LRPPRC: variants seen among roughly 807,000 people sequenced by gnomAD.
LRPPRC encodes the protein leucine rich pentatricopeptide repeat containing.
Under a neutral mutation model 180.3 loss-of-function variants are expected in LRPPRC, and 120 were observed. The ratio of observed to expected loss-of-function variants is 0.67; its 90% CI spans 0.57 to 0.77. LRPPRC has a LOEUF of 0.77. Ranked by LOEUF, LRPPRC falls within the 30% of genes least tolerant of loss-of-function variation. LRPPRC has a pLI of 0.00. For missense variants in LRPPRC, 2,012 were observed against 1,657.2 expected, an observed-to-expected ratio of 1.21 and a Z score of -3.72; for synonymous variants, 723 against 600.0, an observed-to-expected ratio of 1.21 and a Z score of -3.00.
At chr2:43,940,381 A>C (rs1028004032) in intron 23 of LRPPRC, among the ~76,000 whole-genome samples, 14 of 152,238 alleles carry the variant, frequency 9.2e-5, no homozygotes, top group African/African-American at 3.4e-4. Context: ...CCATTTATGT[A>C]ACATATTAAA....
At chr2:43,950,757 T>C (rs778765869) in intron 14 of LRPPRC, among the ~76,000 whole-genome samples, 157 bp from the exon 15 acceptor site, 1 of 152,054 alleles carries the variant, frequency 6.6e-6, no homozygotes, top group Non-Finnish European at 1.5e-5. Context: ...TTAGAAAGGC[T>C]GACACTCACC....
At chr2:43,910,400 A>G (rs537037020) in intron 30 of LRPPRC, among the ~76,000 whole-genome samples, 1 of 151,962 alleles carries the variant, frequency 6.6e-6, no homozygotes. Flanking sequence ...ACACACGGCT[A>G]ATTTTTATAT....
chr2:43,963,453 GAAAA>G (rs951545035), intron 12 of LRPPRC, 131 bp downstream of exon 12: 3 of 705,308 alleles, frequency 4.3e-6, no homozygotes, highest in Non-Finnish European at 7.6e-6. Flanking sequence ...TCAAAAAAAA[GAAAA>G]AAAGAAAATT....
In LRPPRC at chr2:43,909,656, G is replaced by T. The variant is rs80170936; in HGVS notation, c.3275+2776C>A. On this transcript the variant is annotated intron_variant, in intron 30 of 37. Transcript: ENST00000260665. Reference sequence around the variant, plus strand: ...AATAATAATAATAATAATATTGAGGGTGGGAAAAAACTCTGGAAGGGGAAG... The same window carrying T: ...AATAATAATAATAATAATATTGAGGTTGGGAAAAAACTCTGGAAGGGGAAG... 8.5e-3 allele frequency among the ~76,000 whole-genome samples: 1,268 copies of T among 149,748 alleles called. 17 individuals are homozygous for T. Among genetic ancestry groups the T allele is most frequent in the African/African-American group, 0.029 (1,194 of 40,546 alleles).
At chr2:43,987,320 C>A (rs1395318866) in intron 1 of LRPPRC, among the ~76,000 whole-genome samples, 4 of 151,828 alleles carry the variant, frequency 2.6e-5, no homozygotes, top group African/African-American at 9.7e-5. Context: ...AAGGCGAAAC[C>A]CCGTCTCTAA....
chr2:43,947,227 A>G, intron 20 of LRPPRC, 30 bp downstream of exon 20: 2 of 1,136,458 alleles, frequency 1.8e-6, no homozygotes, highest in Non-Finnish European at 2.6e-6. Context: ...TTTTGCCTTA[A>G]TAATATTTAA....
At chr2:43,994,601 C>T (rs926516471) in intron 1 of LRPPRC, among the ~76,000 whole-genome samples, 1 of 152,096 alleles carries the variant, frequency 6.6e-6, no homozygotes, top group East Asian at 1.9e-4. Context: ...GAGTAGGCTG[C>T]AGTCTGGGCC....
chr2:43,933,813 G>A (rs1166614227), intron 25 of LRPPRC, among the ~76,000 whole-genome samples: 2 of 152,168 alleles, frequency 1.3e-5, no homozygotes, highest in Middle Eastern at 3.2e-3. Flanking sequence ...AGCATGGTCT[G>A]CAGCAAATTA....
chr2:43,969,138 C>T (rs1034829444), intron 11 of LRPPRC, among the ~76,000 whole-genome samples: 10 of 152,142 alleles, frequency 6.6e-5, no homozygotes, highest in African/African-American at 1.4e-4. Context: ...TCAGTCCGGG[C>T]GCAGAGGCTC....
At chr2:43,894,693 C>A in intron 35 of LRPPRC, 64 bp from the exon 36 acceptor site, 2 of 804,556 alleles carry the variant, frequency 2.5e-6, no homozygotes, top group Non-Finnish European at 4.5e-6. Flanking sequence ...AGAACACTGA[C>A]AAATCAACAC....
intron 18 of LRPPRC, 72 bp downstream of exon 18, chr2:43,948,050 T>C (rs1438040181): frequency 1.9e-5 from 20 of 1,072,466 alleles, no homozygotes; most frequent in Non-Finnish European, 2.7e-5. Flanking sequence ...GCATCATATT[T>C]AAATAAAATT....
At position 43,995,861 on chromosome 2, in the gene LRPPRC, G is replaced by T. The variant is rs1044881549; in HGVS notation, c.87C>A (p.Gly29=). The part of the protein sequence containing the change: ...RLPLSLRLLP[G]GPGRLHAASY... ...AGGCGGCATGCAGCCGGCCCGGGCC[G>T]CCAGGGAGGAGGCGCAGGGAGAGCG... Residue 29 remains glycine, a synonymous_variant, in exon 1 of 38, where the codon GGC becomes GGA. Transcript: ENST00000260665. The T allele has an allele frequency of 1.3e-6, 2 of 1,489,338 alleles. No homozygotes were observed. The highest frequency in any genetic ancestry group is 1.5e-5 in the African/African-American group (1 of 68,638). 92.3% of individuals were successfully genotyped at this position (1,489,338 alleles called of 1,614,324 possible). A position where few individuals can be genotyped will look rare whatever the true frequency, so the allele number is the denominator to read the frequency against.
At chr2:43,946,990 T>C (rs575403819) in intron 20 of LRPPRC, among the ~76,000 whole-genome samples, 4 of 152,198 alleles carry the variant, frequency 2.6e-5, no homozygotes, top group South Asian at 2.1e-4. Context: ...GAGCCATGGC[T>C]TGAAAGGACA....
chr2:43,906,367 TG>T (rs1381337425), intron 30 of LRPPRC, among the ~76,000 whole-genome samples: 2 of 152,210 alleles, frequency 1.3e-5, no homozygotes, highest in African/African-American at 4.8e-5. Context: ...ACAACCATCT[TG>T]CCCTAGCTTA....
At chr2:43,888,867 A>G (rs1479698303) in intron 37 of LRPPRC, among the ~76,000 whole-genome samples, 1 of 152,144 alleles carries the variant, frequency 6.6e-6, no homozygotes, top group African/African-American at 2.4e-5. Context: ...AGCAGGAGGT[A>G]GGGTGCGTGT....
At chr2:43,949,553 GA>G in intron 16 of LRPPRC, 48 bp downstream of exon 16, 3 of 1,456,144 alleles carry the variant, frequency 2.1e-6, no homozygotes, top group Non-Finnish European at 2.9e-6. Flanking sequence ...TCATTACACA[GA>G]AAAATGGATT....
At chr2:43,934,056 C>A in intron 25 of LRPPRC, 134 bp downstream of exon 25, 1 of 641,082 alleles carries the variant, frequency 1.6e-6, no homozygotes, top group Non-Finnish European at 2.8e-6. Flanking sequence ...AGATCCCCCT[C>A]CCCCAACATT....
chr2:43,991,556 C>A (rs1004549878), intron 1 of LRPPRC, among the ~76,000 whole-genome samples: 1 of 152,134 alleles, frequency 6.6e-6, no homozygotes, highest in African/African-American at 2.4e-5. Flanking sequence ...AACCATCACA[C>A]AAAGAATACA....
chr2:43,946,959 C>A (rs1296753057), intron 20 of LRPPRC, among the ~76,000 whole-genome samples: 1 of 152,026 alleles, frequency 6.6e-6, no homozygotes, highest in Non-Finnish European at 1.5e-5. Flanking sequence ...AGTTGCTTGA[C>A]AATCTAGATA....
Sources: allele counts gnomAD v4.1 joint callset (sites outside exome capture counted in the v4.1 genomes callset), GRCh38; gene constraint gnomAD v4.1.1; transcripts MANE v1.5; gene names NCBI Gene and HGNC (gene_info 2026-07-23, HGNC 2026-07-21).